The following CHD3 variants were observed in gnomAD, a reference collection of about 807,000 sequenced individuals.
The protein encoded by CHD3 is ATP-dependent chromatin remodeler CHD3.
In CHD3, 52 loss-of-function variants were observed where a neutral mutation model predicts 248.9. That is an observed-to-expected ratio of 0.21 (90% CI 0.17 to 0.26). The LOEUF is 0.26. Among genes scored for constraint, CHD3 ranks in the 10% least tolerant of loss-of-function variants. The probability of loss-of-function intolerance (pLI) is 1.00; values close to 1 mark genes in which losing one functional copy is unlikely to be tolerated. For synonymous variants in CHD3, 985 were observed against 985.2 expected (o/e 1.00, Z 0.00); for missense variants, 1,482 against 2,605.8 (o/e 0.57, Z 9.39).
chr17:7,911,497 A>C lies in CHD3; in HGVS notation c.5915A>C (p.Lys1972Thr). 1.2e-6 allele frequency: 2 copies of C among 1,614,182 alleles called. No individual in the cohort carries two copies. Among genetic ancestry groups the C allele is most frequent in the Non-Finnish European group, 1.7e-6 (2 of 1,180,012 alleles). The change falls in exon 40 of 40, where the codon AAG becomes ACG. Residue 1972 changes from lysine (K) to threonine (T), a missense_variant. Around this residue, in one of 20 missense-constraint regions of CHD3, gnomAD observed 117 missense variants for 137.2 expected, o/e 0.85. Coordinates refer to ENST00000330494, the MANE Select transcript of CHD3 (RefSeq NM_001005273.3). The surrounding 1 kb of genome is among the most constrained non-coding windows in gnomAD (Gnocchi z 5.4). ...ATNGPPVLVKKEKEMVGALVS... is the reference protein window; with the variant it reads ...ATNGPPVLVKTEKEMVGALVS... Reference sequence around the variant, plus strand: ...AACGGCCCTCCAGTGCTTGTGAAGAAGGAGAAGGAAATGGTGGGGGCATTG... The same window carrying C: ...AACGGCCCTCCAGTGCTTGTGAAGACGGAGAAGGAAATGGTGGGGGCATTG...
At chr17:7,892,137 G>A (rs1292949610) in intron 4 of CHD3, among the ~76,000 whole-genome samples, 5 of 152,212 alleles carry the variant, frequency 3.3e-5, no homozygotes, top group African/African-American at 1.2e-4. Flanking sequence ...AGTAACTGGT[G>A]ACTGTCATTA....
chr17:7,898,825 G>A lies in CHD3; in HGVS notation c.2152-186G>A, dbSNP rs563545591. Among the ~76,000 whole-genome samples the A allele has an allele frequency of 5.3e-5, 8 of 152,270 alleles. No individual in the cohort carries two copies. The East Asian group carries it at 1.2e-3, about 22-fold the overall frequency. On this transcript the variant is annotated intron_variant, in intron 13 of 39. Transcript: ENST00000330494. ...TCACCAGCTGGCCCTTCCCCATGGT[G>A]CTGCTGGATATTGTCTTAAGGAATG...
intron 4 of CHD3, among the ~76,000 whole-genome samples, chr17:7,892,764 G>A (rs1969069547): frequency 1.3e-5 from 2 of 152,134 alleles, no homozygotes; most frequent in East Asian, 1.9e-4. Flanking sequence ...CAAAGTACTG[G>A]GATTACAGGC....
At chr17:7,890,336 G>T in intron 2 of CHD3, 1 of 377,102 alleles carries the variant, frequency 2.7e-6, no homozygotes, top group Non-Finnish European at 4.8e-6. Context: ...GGCTGAGGCA[G>T]GAGAATCGCT....
upstream of CHD3, chr17:7,885,061 GCCGCCGCCGCCC>G (rs1437330745): frequency 2.1e-6 from 2 of 954,146 alleles, no homozygotes; most frequent in African/African-American, 1.8e-5. Context: ...CGCTGCCCCC[GCCGCCGCCGCCC>G]CCGCCGCCAG....
chr17:7,911,721 C>T lies in CHD3; in HGVS notation c.*136C>T. ...CTGGGCTAGGAACCCCTTTGCCCCT[C>T]TCTGCAGCTCCTCTCTTCAAGAAGG... On this transcript the variant is annotated 3_prime_UTR_variant, in exon 40 of 40. Transcript: ENST00000330494. The surrounding 1 kb of genome is among the most constrained non-coding windows in gnomAD (Gnocchi z 5.4). 1 of 1,550,410 alleles carries T rather than the reference C, an allele frequency of 6.4e-7. No individual in the cohort carries two copies.
In CHD3 at chr17:7,905,813, C is replaced by T. The variant is rs1316785885; in HGVS notation, c.4225-43C>T. 6.2e-7 allele frequency: 1 copy of T among 1,614,128 alleles called. No individual in the cohort carries two copies. The highest frequency in any genetic ancestry group is 1.7e-5 in the Admixed American group (1 of 60,022). On this transcript the variant is annotated intron_variant, in intron 27 of 39. Transcript: ENST00000330494. This position sits in a 1 kb window ranked among gnomAD's most constrained non-coding sequence, Gnocchi z 5.8. The stretch of plus-strand genomic sequence containing the variant: ...AGGTAGAAAGGACAAGACCTAAGAA[C>T]CCTAGACATTTGTCGCCATTGCCTC...
At chr17:7,902,462 G>T in intron 20 of CHD3, 148 bp from the exon 21 acceptor site, 1 of 492,340 alleles carries the variant, frequency 2.0e-6, no homozygotes, top group Non-Finnish European at 3.7e-6. Flanking sequence ...AAGAGAGTGT[G>T]ACAAGAAGGT....
rs1969896924 is a variant in CHD3 at position 7,898,057 on chromosome 17, A to G, written c.2006A>G (p.Asn669Ser). 2 of 1,614,202 alleles carry G rather than the reference A, an allele frequency of 1.2e-6. No individual in the cohort carries two copies. Among genetic ancestry groups the G allele is most frequent in the African/African-American group, 2.7e-5 (2 of 75,062 alleles). Residue 669 changes from asparagine to serine, a missense_variant, in exon 12 of 40, where the codon AAT becomes AGT. Transcript: ENST00000330494. ...TCCACGTGGGAGGAAGATGAAATGAATATCCCTGAATACGAAGAACATAAG... is the reference window on the plus strand; with the variant it reads ...TCCACGTGGGAGGAAGATGAAATGAGTATCCCTGAATACGAAGAACATAAG... ...DQSTWEEDEM[N>S]IPEYEEHKQS...
chr17:7,901,372 G>C lies in CHD3; in HGVS notation c.3249G>C (p.Ser1083=). The change falls in exon 20 of 40, where the codon TCG becomes TCC. Residue 1083 remains serine (S), a synonymous_variant. Transcript: ENST00000330494. Reference sequence around the variant, plus strand: ...AAGGACACCGAGTGCTCATCTTCTCGCAGGTGACCTGTGCCCTTAGCTGTC... The same window carrying C: ...AAGGACACCGAGTGCTCATCTTCTCCCAGGTGACCTGTGCCCTTAGCTGTC... The part of the protein sequence containing the change: ...KEQGHRVLIF[S]QMTKMLDLLE... 1 of 1,603,372 alleles carries C rather than the reference G, an allele frequency of 6.2e-7. No individual in the cohort carries two copies. Among genetic ancestry groups the C allele is most frequent in the Non-Finnish European group, 8.5e-7 (1 of 1,173,204 alleles).
rs1330888026 is a variant in CHD3 at position 7,900,930 on chromosome 17, T to C, written c.3057T>C (p.Leu1019=). 6.2e-7 allele frequency: 1 copy of C among 1,614,042 alleles called. No individual in the cohort carries two copies. The highest frequency in any genetic ancestry group is 1.1e-5 in the South Asian group (1 of 91,084). Residue 1019 remains leucine (L), a synonymous_variant, in exon 19 of 40, where the codon CTT becomes CTC. Transcript: ENST00000330494. This position sits in a 1 kb window ranked among gnomAD's most constrained non-coding sequence, Gnocchi z 6.5. ...GTGGTGGGAACCAGGTGTCGCTGCT[T>C]AATATCATGATGGATCTTAAGAAGT... is the stretch of plus-strand genomic sequence containing the variant. The part of the protein sequence containing the change: ...SRGGGNQVSL[L]NIMMDLKKCC...
chr17:7,911,322 G>A lies in CHD3; in HGVS notation c.5882-142G>A. ...CACAAAGTGGAATCTCAGGGAAAGGGGTTTGCCCGGGTCTTCCCTCCCTCA... is the reference window on the plus strand; with the variant it reads ...CACAAAGTGGAATCTCAGGGAAAGGAGTTTGCCCGGGTCTTCCCTCCCTCA... On this transcript the variant is annotated intron_variant, in intron 39 of 39. Transcript: ENST00000330494. The surrounding 1 kb of genome is among the most constrained non-coding windows in gnomAD (Gnocchi z 5.4). 7.9e-7 allele frequency: 1 copy of A among 1,263,986 alleles called. No homozygotes were observed. Among genetic ancestry groups the A allele is most frequent in the Non-Finnish European group, 1.1e-6 (1 of 880,712 alleles). 78.3% of individuals were successfully genotyped at this position (1,263,986 alleles called of 1,614,324 possible).
chr17:7,885,106 C>T (rs1299386067), upstream of CHD3: 1 of 983,010 alleles, frequency 1.0e-6, no homozygotes, highest in Non-Finnish European at 1.2e-6. Context: ...CCCGACTCCC[C>T]CCCCAAGCCC....
At chr17:7,898,927 G>T in intron 13 of CHD3, 84 bp from the exon 14 acceptor site, 1 of 1,201,524 alleles carries the variant, frequency 8.3e-7, no homozygotes, top group Non-Finnish European at 1.2e-6. Flanking sequence ...AATCCAACTT[G>T]GTATCCATGC....
Position 7,893,812 on chromosome 17 carries a change from C to A in CHD3, c.801C>A (p.Gly267=). The change falls in exon 6 of 40, where the codon GGC becomes GGA. Residue 267 remains glycine, a synonymous_variant. Coordinates refer to ENST00000330494, the MANE Select transcript of CHD3 (RefSeq NM_001005273.3). Reference sequence around the variant, plus strand: ...CCCCGACTCCTCATTCAGGTCCAGGCCATAAGAGGCGGAGTAAGAGCCCCC... The same window carrying A: ...CCCCGACTCCTCATTCAGGTCCAGGACATAAGAGGCGGAGTAAGAGCCCCC... The part of the protein sequence containing the change: ...RAKTKEGKGP[G]HKRRSKSPRV... 1 of 1,614,020 alleles carries A rather than the reference C, an allele frequency of 6.2e-7. No individual in the cohort carries two copies. Among genetic ancestry groups the A allele is most frequent in the East Asian group, 2.2e-5 (1 of 44,870 alleles).
chr17:7,910,369 C>G lies in CHD3; in HGVS notation c.5591-59C>G, dbSNP rs1971497086. 6.2e-7 allele frequency: 1 copy of G among 1,608,146 alleles called. No homozygotes were observed. Among genetic ancestry groups the G allele is most frequent in the Non-Finnish European group, 8.5e-7 (1 of 1,174,762 alleles). The stretch of plus-strand genomic sequence containing the variant: ...ATCTGATGCCTCTCTTTTCCTGGCT[C>G]CATCTCTGTATTTCCCTGTCTTTCT... On this transcript the variant is annotated intron_variant, in intron 37 of 39. Coordinates refer to ENST00000330494, the MANE Select transcript of CHD3 (RefSeq NM_001005273.3). This position sits in a 1 kb window ranked among gnomAD's most constrained non-coding sequence, Gnocchi z 4.7.
At position 7,893,303 on chromosome 17, in the gene CHD3, A is replaced by G. The variant is rs1969145208; in HGVS notation, c.527A>G (p.Lys176Arg). The G allele has an allele frequency of 2.5e-6, 4 of 1,611,260 alleles. No homozygotes were observed. Among genetic ancestry groups the G allele is most frequent in the Admixed American group, 3.4e-5 (2 of 59,598 alleles). Residue 176 changes from lysine to arginine, a missense_variant, in exon 5 of 40, where the codon AAG becomes AGG. Physicochemically the swap from Lys to Arg is conservative, Grantham distance 26 (BLOSUM62 2). Around this residue, in one of 20 missense-constraint regions of CHD3, gnomAD observed 30 missense variants for 83.5 expected, o/e 0.36. Coordinates refer to ENST00000330494, the MANE Select transcript of CHD3 (RefSeq NM_001005273.3). ...ATTTACAGGCCCCTAATTGCTAAGA[A>G]GAATCCTAAGATCCCAATGTCTAAG... ...SQFMRPLIAKKNPKIPMSKMM... is the reference protein window; with the variant it reads ...SQFMRPLIAKRNPKIPMSKMM...
Position 7,898,497 on chromosome 17 carries a change from G to A in CHD3, c.2053G>A (p.Glu685Lys), listed in dbSNP as rs1417355246. The A allele has an allele frequency of 1.9e-6, 3 of 1,612,610 alleles. No individual in the cohort carries two copies. Among genetic ancestry groups the A allele is most frequent in the Non-Finnish European group, 2.5e-6 (3 of 1,179,166 alleles). ...EHKQSYWRHR[E>K]LIMGEDPAQP... Reference sequence around the variant, plus strand: ...CATTCAGACCCACTCTTTTTCCAGAGAACTAATTATGGGGGAAGACCCTGC... The same window carrying A: ...CATTCAGACCCACTCTTTTTCCAGAAAACTAATTATGGGGGAAGACCCTGC... Residue 685 changes from glutamate to lysine, a missense_variant and splice_region_variant, in exon 13 of 40, where the codon GAA (glutamate) becomes AAA (lysine). By Grantham distance (56) the Glu-to-Lys change is moderately conservative. Coordinates refer to ENST00000330494, the MANE Select transcript of CHD3 (RefSeq NM_001005273.3).
upstream of CHD3, chr17:7,884,836 G>C (rs1967490187): frequency 1.9e-6 from 2 of 1,033,366 alleles, no homozygotes; most frequent in Non-Finnish European, 2.7e-6. Context: ...ACGAGGAGGA[G>C]GAGGAGGAGG....
Sources: gnomAD v4.1 joint callset for allele counts (sites outside exome capture counted in the v4.1 genomes callset) on GRCh38, gnomAD v4.1.1 for gene constraint, gnomAD v4.1.1 regional missense constraint, Gnocchi (gnomAD v3.1) non-coding constraint, MANE v1.5 for transcripts, NCBI Gene and HGNC (gene_info 2026-07-23, HGNC 2026-07-21) for gene names.